Variants in CCDC158 observed in about 807,000 individuals in gnomAD.
CCDC158 encodes coiled-coil domain containing 158.
CCDC158 carries 116 observed loss-of-function variants against 138.6 expected under a neutral mutation model. The observed-to-expected ratio is 0.84, with a 90% CI of 0.72 to 0.98. The LOEUF (loss-of-function observed/expected upper bound fraction) is 0.98. Among genes scored for constraint, CCDC158 ranks in the 50% least tolerant of loss-of-function variants. The pLI is 0.00. For synonymous variants in CCDC158, 436 were observed against 442.4 expected, an observed-to-expected ratio of 0.99 and a Z score of 0.18; for missense variants, 1,265 against 1,306.1, an observed-to-expected ratio of 0.97 and a Z score of 0.48.
chr4:76,322,505 T>A (rs1434004629), intron 24 of CCDC158, among the ~76,000 whole-genome samples: 2 of 152,224 alleles, frequency 1.3e-5, no homozygotes, highest in African/African-American at 4.8e-5. Context: ...AGTTGGGAAG[T>A]GCTCAATTAA....
rs769228711 is a variant in CCDC158, at chr4:76,417,557, CA to C, written c.-117+3407del. 2.0e-5 allele frequency among the ~76,000 whole-genome samples: 3 copies of C among 151,920 alleles called. No homozygotes were observed. The South Asian group carries it at 6.2e-4, about 32-fold the overall frequency. ...ATTCCCATGTGTCATGGGAGCGACCCAGGGGGAGGTAATTTTCTCTTGCTGC... is the reference window on the plus strand; with the variant it reads ...ATTCCCATGTGTCATGGGAGCGACCCGGGGGAGGTAATTTTCTCTTGCTGC... On this transcript the variant is annotated intron_variant, in intron 1 of 24. Transcript: ENST00000682701.
chr4:76,395,029 T>C (rs1328006780), intron 4 of CCDC158, among the ~76,000 whole-genome samples: 1 of 152,082 alleles, frequency 6.6e-6, no homozygotes, highest in Non-Finnish European at 1.5e-5. Context: ...GGAACCCCAG[T>C]AAAAACAAAA....
chr4:76,384,682 T>C lies in CCDC158; in HGVS notation c.289-17A>G, dbSNP rs780001815. The C allele has an allele frequency of 1.3e-6, 2 of 1,551,904 alleles. No homozygotes were observed. Among genetic ancestry groups the C allele is most frequent in the East Asian group, 2.2e-5 (1 of 44,534 alleles). On this transcript the variant is annotated splice_polypyrimidine_tract_variant and intron_variant, in intron 4 of 24. Coordinates refer to ENST00000682701, the MANE Select transcript of CCDC158 (RefSeq NM_001394954.1). ...TTCATTGCTCTGAAAAAAAAAGCCA[T>C]GCAAATTAATCTTCATTAGAGAAAC...
chr4:76,353,671 C>G (rs967784011), intron 15 of CCDC158, among the ~76,000 whole-genome samples: 1 of 152,120 alleles, frequency 6.6e-6, no homozygotes, highest in South Asian at 2.1e-4. Flanking sequence ...TTATGGATTT[C>G]TATTTTGTTT....
chr4:76,383,845 C>T, intron 6 of CCDC158, 107 bp from the exon 7 acceptor site: 1 of 819,322 alleles, frequency 1.2e-6, no homozygotes. Flanking sequence ...AAAAATAATA[C>T]TAAAATCAGA....
intron 1 of CCDC158, among the ~76,000 whole-genome samples, chr4:76,418,519 A>AT (rs1195597295): frequency 1.3e-5 from 2 of 152,174 alleles, no homozygotes; most frequent in African/African-American, 4.8e-5. Context: ...AGACTGGGTA[A>AT]TTTATAAAGA....
chr4:76,371,962 T>A lies in CCDC158; in HGVS notation c.1030-426A>T, dbSNP rs370656840. Among the ~76,000 whole-genome samples the A allele has an allele frequency of 4.9e-4, 74 of 150,530 alleles. 1 individual carries two copies. Among genetic ancestry groups the A allele is most frequent in the African/African-American group, 1.7e-3 (70 of 40,806 alleles). ...TCCAAAAAAAAAAAAAAAAAGTGTATTGTGATGTGTCTTGTAAAGTTTTTT... is the reference window on the plus strand; with the variant it reads ...TCCAAAAAAAAAAAAAAAAAGTGTAATGTGATGTGTCTTGTAAAGTTTTTT... On this transcript the variant is annotated intron_variant, in intron 9 of 24. Transcript: ENST00000682701.
rs571828553 is a variant in CCDC158 at position 76,410,500 on chromosome 4, T to C, written c.-74+1590A>G. Among the ~76,000 whole-genome samples, 20 of 152,236 alleles carry C rather than the reference T, an allele frequency of 1.3e-4. No individual in the cohort carries two copies. In the South Asian group the frequency reaches 4.1e-3, roughly 32 times the overall value. On this transcript the variant is annotated intron_variant, in intron 2 of 24. Coordinates refer to ENST00000682701, the MANE Select transcript of CCDC158 (RefSeq NM_001394954.1). ...AGGCCTGGCCCAAGTTCTATTTTGA[T>C]TGCGTACAGATGACTTATGATGTAT...
chr4:76,382,570 T>C (rs767313795), intron 8 of CCDC158, 40 bp downstream of exon 8: 76 of 1,214,946 alleles, frequency 6.3e-5, no homozygotes, highest in Non-Finnish European at 1.5e-5. Context: ...ATAATATCTT[T>C]AAAATGAAGA....
At chr4:76,392,987 A>G (rs1221506149) in intron 4 of CCDC158, among the ~76,000 whole-genome samples, 1 of 152,118 alleles carries the variant, frequency 6.6e-6, no homozygotes, top group African/African-American at 2.4e-5. Context: ...GGAAGAGGAC[A>G]CTAAAAATCA....
chr4:76,351,192 G>T, intron 17 of CCDC158, 71 bp from the exon 18 acceptor site: 3 of 1,419,528 alleles, frequency 2.1e-6, no homozygotes, highest in Non-Finnish European at 2.8e-6. Context: ...AAATCAAAAT[G>T]TATTTTTTGA....
At chr4:76,325,174 G>A (rs943756097) in intron 23 of CCDC158, among the ~76,000 whole-genome samples, 1 of 152,160 alleles carries the variant, frequency 6.6e-6, no homozygotes, top group African/African-American at 2.4e-5. Context: ...ATGTGATTAG[G>A]TATTTTTTAG....
At chr4:76,344,535 G>A (rs1232769440) in intron 18 of CCDC158, 3 of 925,632 alleles carry the variant, frequency 3.2e-6, no homozygotes, top group African/African-American at 1.6e-5. Flanking sequence ...CCCCAGCTGG[G>A]AAGCTGATGA....
rs368025660 is a variant in CCDC158, at chr4:76,396,453, C to G, written c.104G>C (p.Arg35Pro). 1.2e-6 allele frequency: 2 copies of G among 1,609,306 alleles called. No homozygotes were observed. Among genetic ancestry groups the G allele is most frequent in the African/African-American group, 2.7e-5 (2 of 74,530 alleles). ...SSSSFFVSSI[R>P]GTIIENTSSA... ...AGATGTGTTTTCAATTATTGTACCA[C>G]GAATAGATGACACAAAAAATGAACT... Residue 35 changes from arginine to proline, a missense_variant, in exon 4 of 25, where the codon CGT (arginine) becomes CCT (proline). By Grantham distance (103) the Arg-to-Pro change is moderately radical. Transcript: ENST00000682701.
rs541303737 is a variant in CCDC158, at chr4:76,372,918, G to A, written c.1030-1382C>T. On this transcript the variant is annotated intron_variant, in intron 9 of 24. Coordinates refer to ENST00000682701, the MANE Select transcript of CCDC158 (RefSeq NM_001394954.1). The stretch of plus-strand genomic sequence containing the variant: ...GGCTGGAGTGCAATGGCACGATCTC[G>A]GCTCACTGCAACCTCCGCCTCCTGG... 3.2e-4 allele frequency among the ~76,000 whole-genome samples: 48 copies of A among 151,998 alleles called. No individual in the cohort carries two copies. The South Asian group carries it at 9.3e-3, about 30-fold the overall frequency.
intron 2 of CCDC158, among the ~76,000 whole-genome samples, chr4:76,406,077 C>G (rs765185821): frequency 2.6e-5 from 4 of 151,876 alleles, no homozygotes; most frequent in Non-Finnish European, 5.9e-5. Context: ...AAAAAACAAC[C>G]CTGCTATGTA....
Position 76,357,505 on chromosome 4 carries a change from C to T in CCDC158, c.2042G>A (p.Arg681Lys), listed in dbSNP as rs949347806. 5 of 1,590,394 alleles carry T rather than the reference C, an allele frequency of 3.1e-6. No individual in the cohort carries two copies. In the African/African-American group the frequency reaches 6.7e-5, roughly 21 times the overall value. Residue 681 changes from arginine to lysine, a missense_variant, in exon 14 of 25, where the codon AGG becomes AAG. Transcript: ENST00000682701. ...NLSEEYEVLK[R>K]NFRNKSEEME... ...TTCTTCACTTTTGTTTCGGAAATTC[C>T]TTTTTAAGACTTCATACTCCTCTAT...
At chr4:76,366,743 A>G (rs1424542187) in intron 12 of CCDC158, among the ~76,000 whole-genome samples, 1 of 152,128 alleles carries the variant, frequency 6.6e-6, no homozygotes, top group Non-Finnish European at 1.5e-5. Context: ...GGGGAAAGAA[A>G]CTAATATTTA....
intron 23 of CCDC158, 38 bp from the exon 24 acceptor site, chr4:76,323,447 A>ACT: frequency 7.0e-7 from 1 of 1,430,940 alleles, no homozygotes; most frequent in Non-Finnish European, 9.6e-7. Flanking sequence ...TTAAAAGTCT[A>ACT]CTCAACATTT....
Sources: gnomAD v4.1 joint callset for allele counts (sites outside exome capture counted in the v4.1 genomes callset) on GRCh38, gnomAD v4.1.1 for gene constraint, MANE v1.5 for transcripts, NCBI Gene and HGNC (gene_info 2026-07-23, HGNC 2026-07-21) for gene names.